Variants in SGCZ observed in about 807,000 individuals in gnomAD.
SGCZ encodes the protein sarcoglycan zeta, also known as zeta-sarcoglycan.
SGCZ carries 40 observed loss-of-function variants against 41.3 expected under a neutral mutation model. The ratio of observed to expected loss-of-function variants is 0.97; its 90% CI spans 0.75 to 1.26. SGCZ has a LOEUF of 1.26. Among genes scored for constraint, SGCZ ranks in the 50% most tolerant of loss-of-function variants. The probability of loss-of-function intolerance (pLI) is 0.00; values close to 1 mark genes in which losing one functional copy is unlikely to be tolerated. For synonymous variants in SGCZ, 206 were observed against 137.5 expected (o/e 1.50, Z -3.49); for missense variants, 552 against 369.8 (o/e 1.49, Z -4.04).
chr8:14,184,591 T>A (rs76050700), intron 4 of SGCZ, among the ~76,000 whole-genome samples: 70,300 of 151,984 alleles, frequency 0.46, 17,531 homozygotes, highest in South Asian at 0.74. Context: ...CACGGATTGT[T>A]TGATTATGTT....
At chr8:14,350,388 G>C (rs1803045285) in intron 2 of SGCZ, among the ~76,000 whole-genome samples, 1 of 151,972 alleles carries the variant, frequency 6.6e-6, no homozygotes, top group South Asian at 2.1e-4. Context: ...AAGTATTTTA[G>C]CTTGGAGTTG....
chr8:14,263,723 C>A (rs1417136587), intron 3 of SGCZ, among the ~76,000 whole-genome samples: 1 of 152,002 alleles, frequency 6.6e-6, no homozygotes, highest in Admixed American at 6.6e-5. Flanking sequence ...GCTTAAAATA[C>A]CAGGTGAGAG....
intron 2 of SGCZ, among the ~76,000 whole-genome samples, chr8:14,460,432 T>A (rs1291332912): frequency 1.3e-5 from 2 of 152,144 alleles, no homozygotes; most frequent in African/African-American, 2.4e-5. Flanking sequence ...GTATATTAAC[T>A]GGAGAGCAGT....
Position 14,424,892 on chromosome 8 carries a change from G to C in SGCZ, c.235-100688C>G, listed in dbSNP as rs374309675. On this transcript the variant is annotated intron_variant, in intron 2 of 7. Coordinates refer to ENST00000382080, the MANE Select transcript of SGCZ (RefSeq NM_139167.4). ...CTGGTAAAATAAATGAGCAATTTTA[G>C]TATTAATATGTATTATCAGTTTAGC... is the stretch of plus-strand genomic sequence containing the variant. Among the ~76,000 whole-genome samples the C allele has an allele frequency of 7.2e-5, 11 of 152,174 alleles. No individual in the cohort carries two copies. In the East Asian group the frequency reaches 2.1e-3, roughly 29 times the overall value.
chr8:14,107,443 G>A (rs1375849369), intron 6 of SGCZ, among the ~76,000 whole-genome samples: 1 of 151,996 alleles, frequency 6.6e-6, no homozygotes, highest in African/African-American at 2.4e-5. Context: ...GGAAATATTA[G>A]ACTGAGGAAC....
chr8:15,045,934 C>T (rs537174189), intron 1 of SGCZ, among the ~76,000 whole-genome samples: 2 of 152,044 alleles, frequency 1.3e-5, no homozygotes, highest in African/African-American at 2.4e-5. Flanking sequence ...CTGGGTAATA[C>T]ATTTTTCCCA....
chr8:14,496,188 C>T (rs1423339633), intron 2 of SGCZ, among the ~76,000 whole-genome samples: 4 of 152,134 alleles, frequency 2.6e-5, no homozygotes, highest in Non-Finnish European at 5.9e-5. Flanking sequence ...GCCTCAGCCT[C>T]CTGAGTAGAT....
chr8:14,730,040 C>T (rs1810184339), intron 1 of SGCZ, among the ~76,000 whole-genome samples: 1 of 152,118 alleles, frequency 6.6e-6, no homozygotes. Flanking sequence ...GAGCCGAGAT[C>T]GTGCCAGGGC....
chr8:15,064,920 T>C (rs1221196362), intron 1 of SGCZ, among the ~76,000 whole-genome samples: 1 of 152,182 alleles, frequency 6.6e-6, no homozygotes, highest in East Asian at 1.9e-4. Context: ...CATTACTATG[T>C]CTACTTGACA....
intron 2 of SGCZ, among the ~76,000 whole-genome samples, chr8:14,387,404 A>G (rs962412942): frequency 9.9e-5 from 15 of 152,220 alleles, no homozygotes; most frequent in Admixed American, 3.3e-4. Context: ...ACTATGTAGT[A>G]TAATTTAAAT....
intron 5 of SGCZ, among the ~76,000 whole-genome samples, chr8:14,132,319 C>G (rs1300215436): frequency 6.6e-6 from 1 of 152,124 alleles, no homozygotes; most frequent in Non-Finnish European, 1.5e-5. Flanking sequence ...GTTTATTCCT[C>G]TTAAATAGGT....
At chr8:15,161,351 C>T (rs1428927911) in intron 1 of SGCZ, among the ~76,000 whole-genome samples, 2 of 152,144 alleles carry the variant, frequency 1.3e-5, no homozygotes, top group Non-Finnish European at 2.9e-5. Flanking sequence ...CTGAAATGCT[C>T]CTTGTCTGTC....
chr8:14,850,653 G>C (rs939223823), intron 1 of SGCZ, among the ~76,000 whole-genome samples: 1 of 152,140 alleles, frequency 6.6e-6, no homozygotes, highest in African/African-American at 2.4e-5. Context: ...GACATGGTTA[G>C]GCTTTGTGTA....
rs62490808 is a variant in SGCZ at position 14,105,761 on chromosome 8, A to C, written c.620+2402T>G. On this transcript the variant is annotated intron_variant, in intron 6 of 7. Transcript: ENST00000382080. The stretch of plus-strand genomic sequence containing the variant: ...AGAAACACCATACACTAGATGTAAT[A>C]TCATTCGCATTTTCACTTATGAATT... Among the ~76,000 whole-genome samples, 322 of 152,232 alleles carry C rather than the reference A, an allele frequency of 2.1e-3. 5 individuals carry two copies. The highest frequency in any genetic ancestry group is 0.011 in the East Asian group (59 of 5,184).
intron 4 of SGCZ, among the ~76,000 whole-genome samples, chr8:14,230,287 T>G (rs1175722614): frequency 1.3e-5 from 2 of 152,084 alleles, no homozygotes; most frequent in Admixed American, 1.3e-4. Flanking sequence ...TCCCAGAGAC[T>G]TGGTCATGTG....
chr8:14,399,523 G>GA (rs200684146), intron 2 of SGCZ, among the ~76,000 whole-genome samples: 2,122 of 151,572 alleles, frequency 0.014, 63 homozygotes, highest in African/African-American at 0.049. Context: ...ATTTGTTAAA[G>GA]AAAAAAAAGT....
intron 3 of SGCZ, among the ~76,000 whole-genome samples, chr8:14,317,576 A>G (rs1273295687): frequency 6.7e-6 from 1 of 148,478 alleles, no homozygotes; most frequent in African/African-American, 2.6e-5. Context: ...AAATCTATAA[A>G]CTTAGACAAT....
chr8:14,261,502 C>G (rs1280187696), intron 3 of SGCZ, among the ~76,000 whole-genome samples: 1 of 152,124 alleles, frequency 6.6e-6, no homozygotes, highest in Non-Finnish European at 1.5e-5. Context: ...AGTTCACTCC[C>G]TTTGAAAGTT....
intron 1 of SGCZ, among the ~76,000 whole-genome samples, chr8:14,596,676 G>T (rs1805423298): frequency 6.6e-6 from 1 of 152,112 alleles, no homozygotes; most frequent in African/African-American, 2.4e-5. Flanking sequence ...CTCTCACGGG[G>T]TGGGGGAAGG....
Sources: gnomAD v4.1 joint callset for allele counts (sites outside exome capture counted in the v4.1 genomes callset) on GRCh38, gnomAD v4.1.1 for gene constraint, MANE v1.5 for transcripts, NCBI Gene and HGNC (gene_info 2026-07-23, HGNC 2026-07-21) for gene names.